Variants in MINDY3 observed in about 807,000 individuals in gnomAD.
MINDY3 encodes ubiquitin carboxyl-terminal hydrolase MINDY-3.
A neutral mutation model predicts 69.2 loss-of-function variants in MINDY3; 38 were observed. The ratio of observed to expected loss-of-function variants is 0.55; its 90% CI spans 0.42 to 0.72. MINDY3 has a LOEUF of 0.72. Ranked by LOEUF, MINDY3 falls within the 30% of genes least tolerant of loss-of-function variation. The pLI, the probability that MINDY3 is intolerant of heterozygous loss-of-function variation, is 0.00. For synonymous variants in MINDY3, 192 were observed against 180.1 expected, an observed-to-expected ratio of 1.07 and a Z score of -0.53; for missense variants, 522 against 519.0, an observed-to-expected ratio of 1.01 and a Z score of -0.06.
chr10:15,826,937 T>G (rs570286085), intron 8 of MINDY3, among the ~76,000 whole-genome samples: 1 of 151,770 alleles, frequency 6.6e-6, no homozygotes, highest in East Asian at 1.9e-4. Context: ...ACAAAAGCAT[T>G]TTTGGAAAAT....
chr10:15,803,152 G>T (rs552973507), intron 10 of MINDY3, among the ~76,000 whole-genome samples: 27 of 152,132 alleles, frequency 1.8e-4, no homozygotes, highest in Non-Finnish European at 3.5e-4. Flanking sequence ...ATGTTTAAAT[G>T]TTCAGAGATG....
chr10:15,789,409 C>A, intron 11 of MINDY3, 90 bp from the exon 12 acceptor site: 1 of 971,688 alleles, frequency 1.0e-6, no homozygotes, highest in South Asian at 1.5e-5. Context: ...AAAAAAAAAT[C>A]GCATAAAAAA....
At chr10:15,841,323 C>A in intron 4 of MINDY3, 103 bp downstream of exon 4, 1 of 868,970 alleles carries the variant, frequency 1.2e-6, no homozygotes, top group East Asian at 2.7e-5. Context: ...GAAAAGAATA[C>A]ATGTTATGAA....
chr10:15,841,991 C>A (rs1412385526), intron 3 of MINDY3, among the ~76,000 whole-genome samples: 1 of 151,384 alleles, frequency 6.6e-6, no homozygotes, highest in Non-Finnish European at 1.5e-5. Flanking sequence ...ATTTTTTTTC[C>A]CTCACATCTG....
chr10:15,800,387 C>CAT (rs1159923277), intron 10 of MINDY3, among the ~76,000 whole-genome samples: 6 of 152,178 alleles, frequency 3.9e-5, no homozygotes, highest in African/African-American at 1.4e-4. Flanking sequence ...AACTTTAGTG[C>CAT]ATACTGTACT....
chr10:15,786,393 G>A (rs997918724), intron 13 of MINDY3, among the ~76,000 whole-genome samples, 168 bp downstream of exon 13: 2 of 152,050 alleles, frequency 1.3e-5, no homozygotes, highest in African/African-American at 2.4e-5. Flanking sequence ...CTGCGTTACC[G>A]TATTCGAACA....
At chr10:15,819,443 G>C (rs1389852901) in intron 9 of MINDY3, among the ~76,000 whole-genome samples, 3 of 152,138 alleles carry the variant, frequency 2.0e-5, no homozygotes, top group Non-Finnish European at 4.4e-5. Flanking sequence ...TCTTATTCCA[G>C]CCACTACCAT....
intron 10 of MINDY3, among the ~76,000 whole-genome samples, chr10:15,809,854 G>A (rs1379514295): frequency 6.6e-6 from 1 of 152,056 alleles, no homozygotes; most frequent in Admixed American, 6.6e-5. Flanking sequence ...GAGACAGAGG[G>A]TTAGTAGGAA....
At chr10:15,810,876 A>C (rs1838953323) in intron 10 of MINDY3, among the ~76,000 whole-genome samples, 1 of 152,192 alleles carries the variant, frequency 6.6e-6, no homozygotes, top group Non-Finnish European at 1.5e-5. Flanking sequence ...CAATTAAAAA[A>C]CAGGCGAAGG....
At chr10:15,827,763 CAGA>C (rs1271556674) in intron 8 of MINDY3, among the ~76,000 whole-genome samples, 5 of 152,074 alleles carry the variant, frequency 3.3e-5, no homozygotes, top group Admixed American at 6.6e-5. Flanking sequence ...AGGTAATTCA[CAGA>C]AGAAGAATAC....
intron 1 of MINDY3, among the ~76,000 whole-genome samples, chr10:15,854,744 G>A (rs1394414947): frequency 7.2e-5 from 11 of 152,014 alleles, no homozygotes; most frequent in Non-Finnish European, 1.5e-4. Flanking sequence ...ATTGGTGCTG[G>A]ACACAATTTT....
At chr10:15,790,989 A>G (rs1478996148) in intron 11 of MINDY3, among the ~76,000 whole-genome samples, 1 of 152,104 alleles carries the variant, frequency 6.6e-6, no homozygotes, top group Admixed American at 6.6e-5. Context: ...CAACAATGTG[A>G]CCTTCTTAAC....
intron 8 of MINDY3, among the ~76,000 whole-genome samples, chr10:15,823,093 A>T (rs1839878246): frequency 6.6e-6 from 1 of 152,156 alleles, no homozygotes; most frequent in African/African-American, 2.4e-5. Context: ...TGTGGCCAAC[A>T]TTTTACTGTG....
At chr10:15,792,699 A>AAAAC (rs145190176) in intron 11 of MINDY3, among the ~76,000 whole-genome samples, 3 of 152,108 alleles carry the variant, frequency 2.0e-5, no homozygotes, top group East Asian at 1.9e-4. Context: ...GCAACTTAAC[A>AAAAC]AAACAAACAG....
chr10:15,843,273 C>T lies in MINDY3; in HGVS notation c.175-1G>A. ...ACAGGAGCTTCTTCAAAAGAAATGC[C>T]TTTACACAATTAAAGCAATAATTAG... On this transcript the variant is annotated splice_acceptor_variant, in intron 2 of 14. Coordinates refer to ENST00000277632, the MANE Select transcript of MINDY3 (RefSeq NM_024948.4). LOFTEE classifies it high-confidence loss of function. The T allele has an allele frequency of 1.2e-6, 2 of 1,609,918 alleles. No homozygotes were observed. The highest frequency in any genetic ancestry group is 1.7e-6 in the Non-Finnish European group (2 of 1,176,348).
chr10:15,846,466 T>G (rs970212598), intron 2 of MINDY3, among the ~76,000 whole-genome samples: 1 of 152,202 alleles, frequency 6.6e-6, no homozygotes, highest in Non-Finnish European at 1.5e-5. Context: ...AATTTGTAGT[T>G]AAATCTCATT....
chr10:15,803,886 GCAAATACA>G (rs1838440167), intron 10 of MINDY3, among the ~76,000 whole-genome samples: 1 of 152,062 alleles, frequency 6.6e-6, no homozygotes, highest in South Asian at 2.1e-4. Flanking sequence ...TCCAAGGTCA[GCAAATACA>G]CTTGCATTTT....
intron 10 of MINDY3, among the ~76,000 whole-genome samples, chr10:15,811,536 A>T (rs1253090643): frequency 6.6e-6 from 1 of 152,162 alleles, no homozygotes; most frequent in Non-Finnish European, 1.5e-5. Context: ...AATTATTCCA[A>T]AACTGCAATG....
At chr10:15,787,300 T>C (rs1296629587) in intron 12 of MINDY3, among the ~76,000 whole-genome samples, 1 of 151,990 alleles carries the variant, frequency 6.6e-6, no homozygotes, top group Non-Finnish European at 1.5e-5. Context: ...TGACAGGTGG[T>C]GTTATGTGTG....
Sources: gnomAD v4.1 joint callset for allele counts (sites outside exome capture counted in the v4.1 genomes callset) on GRCh38, gnomAD v4.1.1 for gene constraint, MANE v1.5 for transcripts, NCBI Gene and HGNC (gene_info 2026-07-23, HGNC 2026-07-21) for gene names.